The following ZNF226 variants were observed in gnomAD, a reference collection of about 807,000 sequenced individuals.
ZNF226 encodes the protein zinc finger protein 226, also known as Kruppel-associated box protein.
ZNF226 carries 6 observed loss-of-function variants against 11.4 expected under a neutral mutation model. That is an observed-to-expected ratio of 0.53 (90% confidence interval 0.29 to 1.04). The LOEUF (loss-of-function observed/expected upper bound fraction) is 1.04, where lower values mean the gene tolerates loss of function less well. Among genes scored for constraint, ZNF226 ranks in the 50% least tolerant of loss-of-function variants. The pLI is 0.08. For missense variants in ZNF226, 1,058 were observed against 956.5 expected (o/e 1.11, Z -1.40); for synonymous variants, 350 against 322.8 (o/e 1.08, Z -0.90).
intron 3 of ZNF226, among the ~76,000 whole-genome samples, chr19:44,170,540 TC>T: frequency 6.6e-6 from 1 of 152,120 alleles, no homozygotes; most frequent in East Asian, 1.9e-4. Flanking sequence ...ATCGAGACCA[TC>T]CTGGCTAACA....
intron 2 of ZNF226, among the ~76,000 whole-genome samples, 195 bp downstream of exon 2, chr19:44,166,002 G>A (rs551538546): frequency 2.4e-4 from 36 of 152,282 alleles, no homozygotes; most frequent in African/African-American, 8.2e-4. Flanking sequence ...AGGAGACTGA[G>A]ACATAAGAAC....
At chr19:44,194,922 A>G in the ZNF226 span, among the ~76,000 whole-genome samples, 1 of 152,238 alleles carries the variant, frequency 6.6e-6, no homozygotes, top group Non-Finnish European at 1.5e-5. Flanking sequence ...AAAACAAAAG[A>G]GCCAAATTAT....
the ZNF226 span, among the ~76,000 whole-genome samples, chr19:44,198,945 C>T: frequency 1.3e-5 from 2 of 152,056 alleles, no homozygotes; most frequent in South Asian, 4.1e-4. Context: ...GCTGGGATTA[C>T]AGACATGCCA....
downstream of ZNF226, among the ~76,000 whole-genome samples, chr19:44,182,647 C>G (rs1265930270): frequency 6.6e-6 from 1 of 151,992 alleles, no homozygotes; most frequent in Non-Finnish European, 1.5e-5. Context: ...TAACTCTTCT[C>G]GGCAGACCAG....
At chr19:44,189,571 T>A in the ZNF226 span, among the ~76,000 whole-genome samples, 1 of 152,226 alleles carries the variant, frequency 6.6e-6, no homozygotes, top group Non-Finnish European at 1.5e-5. Flanking sequence ...GGAATATTTT[T>A]AAAGTTGGAC....
At chr19:44,175,403 A>G in intron 5 of ZNF226, 95 bp from the exon 6 acceptor site, 2 of 1,469,036 alleles carry the variant, frequency 1.4e-6, no homozygotes, top group Non-Finnish European at 9.0e-7. Flanking sequence ...AACTATCCCG[A>G]GGTTCATTAA....
intron 2 of ZNF226, among the ~76,000 whole-genome samples, chr19:44,169,319 G>T (rs1181936429): frequency 1.3e-5 from 2 of 152,006 alleles, no homozygotes; most frequent in African/African-American, 4.8e-5. Context: ...CCAGGTTCCT[G>T]CATTTTTAAT....
intron 5 of ZNF226, chr19:44,175,022 G>T (rs779491863): frequency 1.2e-6 from 2 of 1,611,106 alleles, no homozygotes; most frequent in Middle Eastern, 1.7e-4. Flanking sequence ...CTATGACCTG[G>T]CTCAAACTTA....
the ZNF226 span, among the ~76,000 whole-genome samples, chr19:44,190,273 TTAA>T: frequency 6.6e-6 from 1 of 152,188 alleles, no homozygotes; most frequent in Non-Finnish European, 1.5e-5. Context: ...TATTTATTAC[TTAA>T]TAATTTACAT....
At chr19:44,189,288 C>T in the ZNF226 span, among the ~76,000 whole-genome samples, 2 of 152,232 alleles carry the variant, frequency 1.3e-5, no homozygotes, top group East Asian at 1.9e-4. Context: ...ATAATGGTTT[C>T]GAGCCATGAA....
At chr19:44,175,144 A>G in intron 5 of ZNF226, 1 of 1,524,218 alleles carries the variant, frequency 6.6e-7, no homozygotes, top group South Asian at 1.3e-5. Flanking sequence ...ACTGCCGGGC[A>G]GTAACTTCTG....
downstream of ZNF226, chr19:44,177,982 A>G (rs1409071717): frequency 2.1e-5 from 5 of 237,716 alleles, no homozygotes; most frequent in Non-Finnish European, 3.3e-5. Context: ...AATCTACATA[A>G]TCTTACCATT....
chr19:44,175,401 C>T (rs1032360150), intron 5 of ZNF226, 97 bp from the exon 6 acceptor site: 13 of 1,463,188 alleles, frequency 8.9e-6, no homozygotes, highest in East Asian at 4.8e-5. Flanking sequence ...AGAACTATCC[C>T]GAGGTTCATT....
rs963164326 is a variant in ZNF226, at chr19:44,177,533, T to C, written c.2271T>C (p.Cys757=). The C allele has an allele frequency of 6.2e-7, 1 of 1,613,676 alleles. No individual in the cohort carries two copies. Among genetic ancestry groups the C allele is most frequent in the South Asian group, 1.1e-5 (1 of 91,076 alleles). ...ACACTGGGGAGAAACCTTATAAATG[T>C]GAGATATGTGGTAAGAGCTTCAGTT... is the stretch of plus-strand genomic sequence containing the variant. The part of the protein sequence containing the change: ...RVHTGEKPYK[C]EICGKSFSWR... The change falls in exon 6 of 6, where the codon TGT becomes TGC. Residue 757 remains cysteine (C), a synonymous_variant. Transcript: ENST00000337433.
At position 44,172,927 on chromosome 19, in the gene ZNF226, A is replaced by G; in HGVS notation, c.210A>G (p.Thr70=). ...ERNEQLWIMT[T]ATRRQGNLGE... ...ATGAGCAGCTTTGGATAATGACGAC[A>G]GCAACCCGAAGACAGGGAAATTTAG... The change falls in exon 5 of 6, where the codon ACA becomes ACG. Residue 70 remains threonine (T), a synonymous_variant. Coordinates refer to ENST00000337433, the MANE Select transcript of ZNF226 (RefSeq NM_001032373.2). The G allele has an allele frequency of 6.2e-7, 1 of 1,603,738 alleles. No homozygotes were observed. Among genetic ancestry groups the G allele is most frequent in the Non-Finnish European group, 8.5e-7 (1 of 1,174,922 alleles).
chr19:44,192,571 T>C, the ZNF226 span, among the ~76,000 whole-genome samples: 1 of 152,194 alleles, frequency 6.6e-6, no homozygotes, highest in East Asian at 1.9e-4. Context: ...ACATGAAGCA[T>C]GTTTCTCATC....
intron 2 of ZNF226, 82 bp from the exon 3 acceptor site, chr19:44,169,953 C>A: frequency 1.1e-6 from 1 of 877,280 alleles, no homozygotes; most frequent in South Asian, 2.2e-5. Flanking sequence ...GAAGCACACA[C>A]CTTTGCTAAT....
At chr19:44,170,404 C>G (rs928013778) in intron 3 of ZNF226, among the ~76,000 whole-genome samples, 2 of 152,086 alleles carry the variant, frequency 1.3e-5, no homozygotes, top group Admixed American at 1.3e-4. Context: ...AGTTTGAGAC[C>G]AGCCTGGCCA....
chr19:44,175,112 A>T, intron 5 of ZNF226: 1 of 1,574,898 alleles, frequency 6.3e-7, no homozygotes, highest in Non-Finnish European at 8.6e-7. Context: ...ATATGCATAC[A>T]TTCCTTGAGT....
Sources: allele counts gnomAD v4.1 joint callset (sites outside exome capture counted in the v4.1 genomes callset), GRCh38; gene constraint gnomAD v4.1.1; transcripts MANE v1.5; gene names NCBI Gene and HGNC (gene_info 2026-07-23, HGNC 2026-07-21).